MAX: variants seen among roughly 807,000 people sequenced by gnomAD.
MAX encodes the protein protein max.
Under a neutral mutation model 22.3 loss-of-function variants are expected in MAX, and 3 were observed. The ratio of observed to expected loss-of-function variants is 0.13; its 90% CI spans 0.06 to 0.35. The LOEUF is 0.35. MAX is among the 10% of genes least tolerant of loss of function. The pLI is 1.00. For synonymous variants in MAX, 72 were observed against 77.7 expected (o/e 0.93, Z 0.39); for missense variants, 119 against 209.4 (o/e 0.57, Z 2.66).
intron 3 of MAX, chr14:65,061,325 C>T (rs901425641): frequency 6.2e-7 from 1 of 1,613,232 alleles, no homozygotes; most frequent in Admixed American, 1.7e-5. Context: ...GACCTGGGTC[C>T]CGGCAGCTCT....
chr14:65,048,262 C>T (rs906901346), intron 3 of MAX, among the ~76,000 whole-genome samples: 9 of 151,144 alleles, frequency 6.0e-5, no homozygotes, highest in East Asian at 3.9e-4. Flanking sequence ...AGATTACAGG[C>T]GTGAGCCACC....
intron 3 of MAX, among the ~76,000 whole-genome samples, chr14:65,039,411 A>G (rs2062292939): frequency 6.6e-6 from 1 of 152,188 alleles, no homozygotes; most frequent in South Asian, 2.1e-4. Context: ...CTTTTGATTA[A>G]ACCTCTGAAA....
Position 65,093,040 on chromosome 14 carries a change from A to G in MAX, c.171+668T>C, listed in dbSNP as rs940386851. On this transcript the variant is annotated intron_variant, in intron 3 of 4. Transcript: ENST00000358664. This position sits in a 1 kb window ranked among gnomAD's most constrained non-coding sequence, Gnocchi z 4.4. ...ACCCTAACCCATAGGCTTTTACTCAAAGCTTCTAATTTTGTTTTTCAAATG... is the reference window on the plus strand; with the variant it reads ...ACCCTAACCCATAGGCTTTTACTCAGAGCTTCTAATTTTGTTTTTCAAATG... Among the ~76,000 whole-genome samples the G allele has an allele frequency of 7.2e-5, 11 of 152,318 alleles. No homozygotes were observed. Among genetic ancestry groups the G allele is most frequent in the African/African-American group, 2.6e-4 (11 of 41,570 alleles).
chr14:65,097,180 T>C (rs2063697433), intron 2 of MAX, among the ~76,000 whole-genome samples: 1 of 152,246 alleles, frequency 6.6e-6, no homozygotes, highest in African/African-American at 2.4e-5. Flanking sequence ...AATTTGTCCA[T>C]CTTTGACACT....
chr14:65,013,260 T>C (rs985684807), intron 3 of MAX, among the ~76,000 whole-genome samples: 6 of 152,202 alleles, frequency 3.9e-5, no homozygotes, highest in African/African-American at 1.4e-4. Context: ...TGCCCTTAAC[T>C]TCTTTCCTGC....
intron 3 of MAX, among the ~76,000 whole-genome samples, chr14:65,020,889 G>T (rs1404198200): frequency 6.6e-6 from 1 of 151,584 alleles, no homozygotes; most frequent in Non-Finnish European, 1.5e-5. Context: ...GTGCCACCAC[G>T]CCCAGCTAAT....
intron 1 of MAX, 42 bp from the exon 2 acceptor site, chr14:65,101,614 T>A: frequency 1.4e-6 from 2 of 1,411,196 alleles, no homozygotes; most frequent in Non-Finnish European, 2.0e-6. Context: ...ATATAGAAGT[T>A]ATTTTTACAC....
chr14:65,073,963 A>C (rs1011852440), downstream of MAX, among the ~76,000 whole-genome samples: 1 of 152,312 alleles, frequency 6.6e-6, no homozygotes, highest in Middle Eastern at 3.4e-3. Flanking sequence ...TCCTTTGTCC[A>C]GCCAATACAC....
intron 3 of MAX, among the ~76,000 whole-genome samples, chr14:65,033,726 G>A (rs1051360844): frequency 7.2e-5 from 11 of 152,070 alleles, no homozygotes; most frequent in African/African-American, 2.2e-4. Context: ...GCATGGTGGC[G>A]GGCGCCTGTA....
intron 2 of MAX, among the ~76,000 whole-genome samples, chr14:65,099,691 G>C (rs2063775817): frequency 6.7e-6 from 1 of 148,230 alleles, no homozygotes; most frequent in Non-Finnish European, 1.5e-5. Flanking sequence ...TACAACTGGA[G>C]ACTTGCAGGG....
In MAX at chr14:65,023,445, C is replaced by G. The variant is rs757382614; in HGVS notation, c.172-17161G>C. ...GGCTGAGAGGCAATCGCTGATATCC[C>G]TGCTTTGAACTTGACCCTCTTACAA... On this transcript the variant is annotated intron_variant, in intron 3 of 3. Transcript: ENST00000341653. This position sits in a 1 kb window ranked among gnomAD's most constrained non-coding sequence, Gnocchi z 4.1. Among the ~76,000 whole-genome samples the G allele has an allele frequency of 6.6e-6, 1 of 152,168 alleles. No homozygotes were observed. The highest frequency in any genetic ancestry group is 1.5e-5 in the Non-Finnish European group (1 of 68,034).
At chr14:65,042,022 G>T (rs758774090) in intron 3 of MAX, among the ~76,000 whole-genome samples, 4 of 152,010 alleles carry the variant, frequency 2.6e-5, no homozygotes, top group Non-Finnish European at 2.9e-5. Context: ...TATAAGGTAG[G>T]GATAACAATC....
chr14:65,091,516 C>T (rs1595160468), intron 3 of MAX, among the ~76,000 whole-genome samples: 1 of 152,192 alleles, frequency 6.6e-6, no homozygotes, highest in African/African-American at 2.4e-5. Flanking sequence ...TTTCTGCCAG[C>T]ATCTCCTGCC....
chr14:65,026,273 G>A lies in MAX; in HGVS notation c.172-19989C>T, dbSNP rs546881456. Among the ~76,000 whole-genome samples, 296 of 152,270 alleles carry A rather than the reference G, an allele frequency of 1.9e-3. 8 individuals are homozygous for A. In the South Asian group the frequency reaches 0.023, roughly 12 times the overall value. Reference sequence around the variant, plus strand: ...TGGGGCACCCTTTCTGGTGCACTTCGGAAGACCCCGGACTGATGATAGGGC... The same window carrying A: ...TGGGGCACCCTTTCTGGTGCACTTCAGAAGACCCCGGACTGATGATAGGGC... On this transcript the variant is annotated intron_variant, in intron 3 of 3. Coordinates refer to the MAX transcript ENST00000341653.
chr14:65,055,732 G>T (rs1160476556), intron 3 of MAX, among the ~76,000 whole-genome samples: 2 of 152,066 alleles, frequency 1.3e-5, no homozygotes, highest in African/African-American at 4.8e-5. Context: ...GGCCAGGCTG[G>T]TCTCAAACTC....
At chr14:65,052,376 C>CT (rs1185835167) in intron 3 of MAX, among the ~76,000 whole-genome samples, 4 of 152,060 alleles carry the variant, frequency 2.6e-5, no homozygotes, top group East Asian at 1.9e-4. Context: ...TGTTGGGCAT[C>CT]TTTTTTTTAA....
At chr14:65,080,312 A>C (rs2063169768) in intron 3 of MAX, among the ~76,000 whole-genome samples, 2 of 152,232 alleles carry the variant, frequency 1.3e-5, no homozygotes, top group South Asian at 4.1e-4. Context: ...AAGGAATGAG[A>C]GTTCCTAGCC....
At chr14:65,037,597 TA>T (rs1266278819) in intron 3 of MAX, among the ~76,000 whole-genome samples, 5 of 149,180 alleles carry the variant, frequency 3.4e-5, no homozygotes, top group Admixed American at 2.0e-4. Flanking sequence ...GCTAATTTTT[TA>T]AATTTTTGTA....
At position 65,060,707 on chromosome 14, in the gene MAX, A is replaced by T. The variant is rs1442004537; in HGVS notation, c.171+33001T>A. Among the ~76,000 whole-genome samples, 24 of 94,130 alleles carry T rather than the reference A, an allele frequency of 2.5e-4. 8 individuals are homozygous for T. The African/African-American group carries it at 3.1e-3, about 12-fold the overall frequency. The allele number at this position is 94,130 out of a possible 152,430, so 61.8% of individuals were successfully genotyped here. A position where few individuals can be genotyped will look rare whatever the true frequency, so the allele number is the denominator to read the frequency against. ...CGAGAGACTCCGTCTCAAAAAAAAA[A>T]AAAAAAAATACAAAAATTACCCAGG... On this transcript the variant is annotated intron_variant, in intron 3 of 3. Coordinates refer to the MAX transcript ENST00000341653.
Sources: gnomAD v4.1 joint callset for allele counts (sites outside exome capture counted in the v4.1 genomes callset) on GRCh38, gnomAD v4.1.1 for gene constraint, Gnocchi (gnomAD v3.1) non-coding constraint, MANE v1.5 for transcripts, NCBI Gene and HGNC (gene_info 2026-07-23, HGNC 2026-07-21) for gene names.